Variants in NCAM2 observed in about 807,000 individuals in gnomAD.
The protein encoded by NCAM2 is N-CAM-2.
Under a neutral mutation model 98.1 loss-of-function variants are expected in NCAM2, and 30 were observed. The ratio of observed to expected loss-of-function variants is 0.31; its 90% CI spans 0.23 to 0.41. NCAM2 has a LOEUF of 0.41. Among genes scored for constraint, NCAM2 ranks in the 10% least tolerant of loss-of-function variants. The pLI is 1.00. For synonymous variants in NCAM2, 368 were observed against 342.4 expected, an observed-to-expected ratio of 1.07 and a Z score of -0.83; for missense variants, 867 against 1,005.8, an observed-to-expected ratio of 0.86 and a Z score of 1.87.
chr21:21,453,072 A>C (rs1569080169), intron 12 of NCAM2, among the ~76,000 whole-genome samples: 1 of 125,498 alleles, frequency 8.0e-6, no homozygotes, highest in African/African-American at 3.0e-5. Flanking sequence ...TATATTTATA[A>C]ATTATTATAT....
chr21:21,017,240 C>G (rs2064328521), intron 1 of NCAM2, among the ~76,000 whole-genome samples: 1 of 151,714 alleles, frequency 6.6e-6, no homozygotes, highest in Non-Finnish European at 1.5e-5. Flanking sequence ...TCCTGGCCAA[C>G]ATGGTGAAAA....
intron 1 of NCAM2, among the ~76,000 whole-genome samples, chr21:21,188,420 A>G (rs918078063): frequency 6.6e-6 from 1 of 152,194 alleles, no homozygotes; most frequent in Non-Finnish European, 1.5e-5. Context: ...TTTAATAAAT[A>G]TACTTTGAAA....
intron 1 of NCAM2, among the ~76,000 whole-genome samples, chr21:21,217,996 A>G (rs2069976410): frequency 6.6e-6 from 1 of 152,214 alleles, no homozygotes; most frequent in Non-Finnish European, 1.5e-5. Flanking sequence ...AATGAAATGC[A>G]TTCCTGTGAG....
intron 1 of NCAM2, among the ~76,000 whole-genome samples, chr21:21,092,802 A>G (rs1445479730): frequency 6.6e-6 from 1 of 151,896 alleles, no homozygotes; most frequent in Non-Finnish European, 1.5e-5. Context: ...CTCAATTAGT[A>G]TATAATATAA....
chr21:21,439,386 C>A (rs570165917), intron 12 of NCAM2, among the ~76,000 whole-genome samples: 1 of 152,272 alleles, frequency 6.6e-6, no homozygotes, highest in South Asian at 2.1e-4. Context: ...CCCTCAGCCT[C>A]CCAAAGTGCT....
chr21:21,394,553 A>G (rs1027035586), intron 9 of NCAM2, among the ~76,000 whole-genome samples: 3 of 129,908 alleles, frequency 2.3e-5, no homozygotes, highest in African/African-American at 9.1e-5. Flanking sequence ...CAGTGGTGCA[A>G]TCTTGGCTCA....
At chr21:21,186,310 T>C (rs2068639787) in intron 1 of NCAM2, among the ~76,000 whole-genome samples, 1 of 152,140 alleles carries the variant, frequency 6.6e-6, no homozygotes, top group African/African-American at 2.4e-5. Flanking sequence ...GGCCAGAAAA[T>C]TATAAAATGT....
chr21:21,401,997 G>C (rs568209409), intron 9 of NCAM2, among the ~76,000 whole-genome samples: 1 of 152,024 alleles, frequency 6.6e-6, no homozygotes, highest in Non-Finnish European at 1.5e-5. Flanking sequence ...TGTTATCTTC[G>C]TAAGCTGAGG....
chr21:21,338,331 G>T (rs2074933874), intron 7 of NCAM2, 58 bp from the exon 8 acceptor site: 2 of 1,504,632 alleles, frequency 1.3e-6, no homozygotes, highest in East Asian at 2.3e-5. Context: ...CATGACTTTT[G>T]TCTGAGAAGT....
chr21:21,377,631 T>TA (rs2076062967), intron 9 of NCAM2, among the ~76,000 whole-genome samples: 1 of 151,932 alleles, frequency 6.6e-6, no homozygotes. Flanking sequence ...TATATGTATA[T>TA]AGTGTTAAAT....
At chr21:21,093,728 A>T (rs2066060935) in intron 1 of NCAM2, among the ~76,000 whole-genome samples, 1 of 151,956 alleles carries the variant, frequency 6.6e-6, no homozygotes, top group Non-Finnish European at 1.5e-5. Flanking sequence ...TGTAACAGTA[A>T]TTCCCTTGAT....
intron 1 of NCAM2, among the ~76,000 whole-genome samples, chr21:21,007,106 G>A (rs765172437): frequency 1.1e-4 from 17 of 152,096 alleles, no homozygotes; most frequent in African/African-American, 4.1e-4. Context: ...TGCAAATATG[G>A]TGTGATATCA....
At chr21:21,044,454 G>C (rs1194639276) in intron 1 of NCAM2, among the ~76,000 whole-genome samples, 1 of 152,068 alleles carries the variant, frequency 6.6e-6, no homozygotes, top group East Asian at 1.9e-4. Context: ...TTGCATTTAA[G>C]AATGGTAACT....
chr21:21,296,272 T>C (rs1443430224), intron 5 of NCAM2, among the ~76,000 whole-genome samples: 1 of 151,804 alleles, frequency 6.6e-6, no homozygotes, highest in African/African-American at 2.4e-5. Context: ...AGACTATTTT[T>C]TGAGAATGGA....
intron 12 of NCAM2, among the ~76,000 whole-genome samples, chr21:21,453,333 A>G (rs1981623397): frequency 6.6e-6 from 1 of 151,530 alleles, no homozygotes; most frequent in Non-Finnish European, 1.5e-5. Flanking sequence ...TCACATAAAT[A>G]CCTAGGGAAG....
At chr21:21,491,506 T>C (rs1322536079) in intron 15 of NCAM2, among the ~76,000 whole-genome samples, 1 of 151,756 alleles carries the variant, frequency 6.6e-6, no homozygotes, top group Non-Finnish European at 1.5e-5. Flanking sequence ...AAATAGTAAG[T>C]TGAAATTTTG....
chr21:21,387,337 A>G (rs1266363099), intron 9 of NCAM2, among the ~76,000 whole-genome samples: 4 of 151,992 alleles, frequency 2.6e-5, no homozygotes, highest in Non-Finnish European at 4.4e-5. Flanking sequence ...TCCAAATACC[A>G]TTACTTTGAG....
At chr21:21,054,771 G>A (rs1176860850) in intron 1 of NCAM2, among the ~76,000 whole-genome samples, 4 of 152,024 alleles carry the variant, frequency 2.6e-5, no homozygotes, top group Admixed American at 1.3e-4. Flanking sequence ...AGAACTATGA[G>A]TATAGGAAAA....
chr21:21,477,244 C>T lies in NCAM2; in HGVS notation c.1897-47C>T, dbSNP rs878892757. On this transcript the variant is annotated intron_variant, in intron 14 of 17. Coordinates refer to ENST00000400546, the MANE Select transcript of NCAM2 (RefSeq NM_004540.5). ...ATATAATTTTTTTAAAAAGGTGTCA[C>T]TTTAGTGTATGGATATTTACAAACT... 15 of 1,422,394 alleles carry T rather than the reference C, an allele frequency of 1.1e-5. No individual in the cohort carries two copies. In the Admixed American group the frequency reaches 3.2e-4, roughly 30 times the overall value. 88.1% of individuals were successfully genotyped at this position (1,422,394 alleles called of 1,614,324 possible). A position where few individuals can be genotyped will look rare whatever the true frequency, so the allele number is the denominator to read the frequency against.
Sources: allele counts gnomAD v4.1 joint callset (sites outside exome capture counted in the v4.1 genomes callset), GRCh38; gene constraint gnomAD v4.1.1; transcripts MANE v1.5; gene names NCBI Gene and HGNC (gene_info 2026-07-23, HGNC 2026-07-21).